ACBD5: variants seen among roughly 807,000 people sequenced by gnomAD.
ACBD5 encodes acyl-CoA binding domain containing 5.
A neutral mutation model predicts 71.8 loss-of-function variants in ACBD5; 40 were observed. The observed-to-expected ratio is 0.56, with a 90% CI of 0.43 to 0.72. The LOEUF (loss-of-function observed/expected upper bound fraction) is 0.72, where lower values mean the gene tolerates loss of function less well. ACBD5 is among the 30% of genes least tolerant of loss of function. The pLI, the probability that ACBD5 is intolerant of heterozygous loss-of-function variation, is 0.00. For missense variants in ACBD5, 559 were observed against 644.5 expected (o/e 0.87, Z 1.44); for synonymous variants, 229 against 218.6 (o/e 1.05, Z -0.42).
At position 27,240,521 on chromosome 10, in the gene ACBD5, C is replaced by CA; in HGVS notation, c.16-38dup. ...AGCGCAGCCGCGGATCAACATGCCC[C>CA]AAAAGGAGGAGGCCCGGGAGCGAAG... On this transcript the variant is annotated intron_variant, in intron 1 of 12. Coordinates refer to ENST00000396271, the MANE Select transcript of ACBD5 (RefSeq NM_145698.5). This position sits in a 1 kb window ranked among gnomAD's most constrained non-coding sequence, Gnocchi z 4.1. 1.3e-6 allele frequency: 2 copies of CA among 1,568,930 alleles called. No homozygotes were observed. Among genetic ancestry groups the CA allele is most frequent in the South Asian group, 2.3e-5 (2 of 86,836 alleles).
chr10:27,196,163 G>A lies in ACBD5; in HGVS notation c.*1267C>T, dbSNP rs1431406110. 1 of 453,574 alleles carries A rather than the reference G, an allele frequency of 2.2e-6. No individual in the cohort carries two copies. The highest frequency in any genetic ancestry group is 1.6e-5 in the South Asian group (1 of 64,318). The allele number at this position is 453,574 out of a possible 1,614,324, so 28.1% of individuals were successfully genotyped here. A position where few individuals can be genotyped will look rare whatever the true frequency, so the allele number is the denominator to read the frequency against. On this transcript the variant is annotated 3_prime_UTR_variant, in exon 13 of 13. Transcript: ENST00000396271. ...TGCAGTGAGCCAAGATCACGCCATT[G>A]CCCTCCAGCCTGGGCAACAAGAGAG...
intron 2 of ACBD5, among the ~76,000 whole-genome samples, chr10:27,236,671 C>T (rs183463774): frequency 0.011 from 1,621 of 152,044 alleles, 113 homozygotes; most frequent in Admixed American, 0.091. Flanking sequence ...GGCGGATCAC[C>T]GGAGGTCAGG....
intron 13 of ACBD5, among the ~76,000 whole-genome samples, chr10:27,188,171 G>A (rs2058888353): frequency 6.7e-6 from 1 of 149,670 alleles, no homozygotes; most frequent in Non-Finnish European, 1.5e-5. Flanking sequence ...GAATCCATGG[G>A]TTAATGGTTT....
chr10:27,184,554 A>ATTTTTTT lies in ACBD5; in HGVS notation c.1494-1846_1494-1840dup, dbSNP rs752147433. 5.2e-3 allele frequency among the ~76,000 whole-genome samples: 438 copies of ATTTTTTT among 84,854 alleles called. 27 individuals carry two copies. Among genetic ancestry groups the ATTTTTTT allele is most frequent in the Non-Finnish European group, 6.2e-3 (296 of 48,028 alleles). The allele number at this position is 84,854 out of a possible 152,430, so 55.7% of individuals were successfully genotyped here. A position where few individuals can be genotyped will look rare whatever the true frequency, so the allele number is the denominator to read the frequency against. ...AAAAACACTATCACATATAAGAAGG[A>ATTTTTTT]TTTTTTTTTTTTTTTTTTTTTTTTG... On this transcript the variant is annotated intron_variant, in intron 13 of 13. Coordinates refer to the ACBD5 transcript ENST00000676511.
rs1380826468 is a variant in ACBD5 at position 27,210,903 on chromosome 10, C to T, written c.1115G>A (p.Gly372Glu). 6.2e-7 allele frequency: 1 copy of T among 1,614,094 alleles called. No individual in the cohort carries two copies. The highest frequency in any genetic ancestry group is 1.3e-5 in the African/African-American group (1 of 74,928). The change falls in exon 9 of 13, where the codon GGA becomes GAA. Residue 372 changes from glycine (G) to glutamate (E), a missense_variant. By Grantham distance (98) the Gly-to-Glu change is moderately conservative. Transcript: ENST00000396271. ...TCCGCTGTTATTCCTGCCATCTTCT[C>T]CTCCATGCTTGACTTCACCTTTTCC... is the stretch of plus-strand genomic sequence containing the variant. Reference protein sequence around the residue: ...VEGKGEVKHGGEDGRNNSGAP... With the variant: ...VEGKGEVKHGEEDGRNNSGAP...
rs911767461 is a variant in ACBD5 at position 27,240,593 on chromosome 10, A to T, written c.15+81T>A. 3.2e-6 allele frequency: 5 copies of T among 1,551,018 alleles called. No homozygotes were observed. The highest frequency in any genetic ancestry group is 2.0e-5 in the Admixed American group (1 of 50,970). On this transcript the variant is annotated intron_variant, in intron 1 of 12. Coordinates refer to ENST00000396271, the MANE Select transcript of ACBD5 (RefSeq NM_145698.5). The surrounding 1 kb of genome is among the most constrained non-coding windows in gnomAD (Gnocchi z 4.1). ...TGCCCTATCCAGGCCACACAGATCGAAGCGGCCCGGCTCCTTCCTCCTCCC... is the reference window on the plus strand; with the variant it reads ...TGCCCTATCCAGGCCACACAGATCGTAGCGGCCCGGCTCCTTCCTCCTCCC...
chr10:27,239,707 T>G (rs2065212484), intron 2 of ACBD5, among the ~76,000 whole-genome samples: 1 of 151,856 alleles, frequency 6.6e-6, no homozygotes, highest in Non-Finnish European at 1.5e-5. Context: ...ACCCTATGAG[T>G]GTGTGGCATT....
intron 8 of ACBD5, 123 bp downstream of exon 8, chr10:27,215,412 A>AAATAAAAT: frequency 2.9e-6 from 2 of 697,002 alleles, no homozygotes; most frequent in South Asian, 3.4e-5. Context: ...CAAATGTTTA[A>AAATAAAAT]ACATTTTAGG....
At chr10:27,217,120 T>A (rs1430845492) in intron 7 of ACBD5, among the ~76,000 whole-genome samples, 3 of 116,624 alleles carry the variant, frequency 2.6e-5, no homozygotes. Flanking sequence ...CACTCCACCC[T>A]GGGCGACAGA....
rs189079792 is a variant in ACBD5, at chr10:27,233,298, G to A, written c.303-1478C>T. 4.1e-3 allele frequency among the ~76,000 whole-genome samples: 620 copies of A among 151,976 alleles called. 5 individuals carry two copies. Among genetic ancestry groups the A allele is most frequent in the Non-Finnish European group, 6.9e-3 (472 of 67,962 alleles). On this transcript the variant is annotated intron_variant, in intron 3 of 12. Coordinates refer to ENST00000396271, the MANE Select transcript of ACBD5 (RefSeq NM_145698.5). ...AAAAATTAGCCAGGCGTGGTGGCAC[G>A]CGCCTGTAATCCCAGCTACTCGTGA...
At chr10:27,189,193 CT>C (rs2136327922) in intron 13 of ACBD5, among the ~76,000 whole-genome samples, 1 of 152,360 alleles carries the variant, frequency 6.6e-6, no homozygotes, top group African/African-American at 2.4e-5. Context: ...AACCACTTTC[CT>C]TTGTCCTGTC....
At chr10:27,240,900 C>T (rs915079804), upstream of ACBD5, 24 of 685,364 alleles carry the variant, frequency 3.5e-5, no homozygotes, top group Admixed American at 4.8e-4. This position sits in a 1 kb window ranked among gnomAD's most constrained non-coding sequence, Gnocchi z 4.1. Context: ...CCCACCCGAC[C>T]CGCCGCCGCG....
intron 8 of ACBD5, among the ~76,000 whole-genome samples, chr10:27,214,901 C>T (rs781109457): frequency 2.6e-5 from 4 of 152,240 alleles, no homozygotes; most frequent in East Asian, 3.9e-4. Flanking sequence ...CAATGCCTCA[C>T]GTCCATAATC....
chr10:27,238,619 T>A (rs1466775024), intron 2 of ACBD5, among the ~76,000 whole-genome samples: 1 of 152,184 alleles, frequency 6.6e-6, no homozygotes, highest in African/African-American at 2.4e-5. Flanking sequence ...ATAGAATGTT[T>A]GAAATTACAA....
At chr10:27,238,156 A>G (rs774677156) in intron 2 of ACBD5, among the ~76,000 whole-genome samples, 1 of 151,778 alleles carries the variant, frequency 6.6e-6, no homozygotes, top group Non-Finnish European at 1.5e-5. Flanking sequence ...CGTATTAGCC[A>G]GGATGGTCTC....
At chr10:27,236,884 CA>C (rs5783998) in intron 2 of ACBD5, among the ~76,000 whole-genome samples, 43,284 of 86,624 alleles carry the variant, frequency 0.5, 6,390 homozygotes, top group Middle Eastern at 0.59. Flanking sequence ...GACTTGGTCT[CA>C]AAAAAAAAAA....
At chr10:27,232,815 A>T (rs1362076244) in intron 3 of ACBD5, among the ~76,000 whole-genome samples, 8 of 152,088 alleles carry the variant, frequency 5.3e-5, no homozygotes, top group Non-Finnish European at 1.2e-4. Flanking sequence ...CGACATGTAA[A>T]CCTCCATTTT....
chr10:27,208,453 AAG>A lies in ACBD5; in HGVS notation c.1205-10_1205-9del. On this transcript the variant is annotated splice_polypyrimidine_tract_variant and intron_variant, in intron 9 of 12. Transcript: ENST00000396271. Reference sequence around the variant, plus strand: ...AGTGTTGCATCCTATGTCCTATTTTAAGAGGCAAAAATAAGCTTGTTTTAAAT... The same window carrying A: ...AGTGTTGCATCCTATGTCCTATTTTAAGGCAAAAATAAGCTTGTTTTAAAT... 1 of 1,613,120 alleles carries A rather than the reference AAG, an allele frequency of 6.2e-7. No individual in the cohort carries two copies. Among genetic ancestry groups the A allele is most frequent in the Non-Finnish European group, 8.5e-7 (1 of 1,179,848 alleles).
chr10:27,195,556 A>G lies in ACBD5; in HGVS notation c.*1874T>C, dbSNP rs1175986682. On this transcript the variant is annotated 3_prime_UTR_variant, in exon 13 of 13. Coordinates refer to ENST00000396271, the MANE Select transcript of ACBD5 (RefSeq NM_145698.5). The stretch of plus-strand genomic sequence containing the variant: ...GACACTTTTTACTGATACCAAATTG[A>G]TATCTCATTTTTGAAAATAATCTTT... 4.4e-6 allele frequency: 2 copies of G among 450,796 alleles called. No individual in the cohort carries two copies. Among genetic ancestry groups the G allele is most frequent in the South Asian group, 1.6e-5 (1 of 63,282 alleles). The allele number at this position is 450,796 out of a possible 1,614,324, so 27.9% of individuals were successfully genotyped here.
Sources: allele counts gnomAD v4.1 joint callset (sites outside exome capture counted in the v4.1 genomes callset), GRCh38; gene constraint gnomAD v4.1.1; non-coding constraint Gnocchi (gnomAD v3.1); transcripts MANE v1.5; gene names NCBI Gene and HGNC (gene_info 2026-07-23, HGNC 2026-07-21).